The following LINGO2 variants were observed in gnomAD, a reference collection of about 807,000 sequenced individuals.
The protein encoded by LINGO2 is leucine-rich repeat and immunoglobulin-like domain-containing nogo receptor-interacting protein 2.
LINGO2 carries 14 observed loss-of-function variants against 30.6 expected under a neutral mutation model. That is an observed-to-expected ratio of 0.46 (90% CI 0.30 to 0.72). The LOEUF (loss-of-function observed/expected upper bound fraction) is 0.72. Ranked by LOEUF, LINGO2 falls within the 30% of genes least tolerant of loss-of-function variation. The pLI is 0.07. For missense variants in LINGO2, 729 were observed against 751.7 expected, an observed-to-expected ratio of 0.97 and a Z score of 0.35; for synonymous variants, 317 against 288.5, an observed-to-expected ratio of 1.10 and a Z score of -1.00.
chr9:28,055,727 A>ACT (rs1824903628), intron 4 of LINGO2, among the ~76,000 whole-genome samples: 1 of 152,198 alleles, frequency 6.6e-6, no homozygotes, highest in Admixed American at 6.6e-5. Context: ...TTTAAAAGAT[A>ACT]TGTACTCAAA....
intron 4 of LINGO2, among the ~76,000 whole-genome samples, chr9:28,214,711 G>GT (rs764594864): frequency 4.0e-5 from 6 of 151,648 alleles, no homozygotes; most frequent in South Asian, 2.1e-4. Context: ...CAGAAAAGCT[G>GT]TAAGGTATAA....
the LINGO2 span, among the ~76,000 whole-genome samples, chr9:28,938,385 A>G: frequency 1.3e-5 from 2 of 152,144 alleles, no homozygotes; most frequent in South Asian, 2.1e-4. Context: ...CTTTTTGCTT[A>G]ACACTTCTTT....
At chr9:28,131,617 C>CTGGTAAT (rs962654376) in intron 4 of LINGO2, among the ~76,000 whole-genome samples, 3 of 152,036 alleles carry the variant, frequency 2.0e-5, no homozygotes, top group African/African-American at 7.2e-5. Flanking sequence ...TAGAGTTTAG[C>CTGGTAAT]TGGTAATTTT....
At chr9:28,586,504 G>A (rs1824548723) in intron 1 of LINGO2, among the ~76,000 whole-genome samples, 1 of 151,958 alleles carries the variant, frequency 6.6e-6, no homozygotes, top group Non-Finnish European at 1.5e-5. Context: ...ATTGAATAAT[G>A]TTTAGAAATT....
At chr9:29,159,727 G>A in the LINGO2 span, among the ~76,000 whole-genome samples, 1 of 151,776 alleles carries the variant, frequency 6.6e-6, no homozygotes, top group Non-Finnish European at 1.5e-5. Flanking sequence ...GTATGGTGGT[G>A]GGCGCCAGTA....
At chr9:28,611,887 C>T (rs1825935316) in intron 1 of LINGO2, among the ~76,000 whole-genome samples, 1 of 151,870 alleles carries the variant, frequency 6.6e-6, no homozygotes, top group Non-Finnish European at 1.5e-5. Context: ...GTGGCGCGAT[C>T]TCAGCTCACT....
chr9:29,133,102 A>T, the LINGO2 span, among the ~76,000 whole-genome samples: 3 of 152,120 alleles, frequency 2.0e-5, no homozygotes, highest in Non-Finnish European at 4.4e-5. Flanking sequence ...CATCACTCCC[A>T]GTCTATCAAT....
chr9:29,130,473 C>T, the LINGO2 span, among the ~76,000 whole-genome samples: 1 of 152,052 alleles, frequency 6.6e-6, no homozygotes, highest in Non-Finnish European at 1.5e-5. Flanking sequence ...CTAAAACAGG[C>T]ATTAGCAAAG....
At chr9:28,969,622 C>T in the LINGO2 span, among the ~76,000 whole-genome samples, 1 of 152,032 alleles carries the variant, frequency 6.6e-6, no homozygotes, top group Non-Finnish European at 1.5e-5. Context: ...AATTCATTAC[C>T]CTGTTCCTGA....
At chr9:28,051,677 A>G (rs1160577567) in intron 4 of LINGO2, among the ~76,000 whole-genome samples, 1 of 152,066 alleles carries the variant, frequency 6.6e-6, no homozygotes, top group African/African-American at 2.4e-5. Context: ...GGATTAAGCT[A>G]GATTCCAACC....
intron 1 of LINGO2, among the ~76,000 whole-genome samples, chr9:28,665,163 C>T (rs1828750200): frequency 6.6e-6 from 1 of 151,344 alleles, no homozygotes; most frequent in African/African-American, 2.4e-5. Flanking sequence ...TTAATATTGA[C>T]AATAGCTGAC....
chr9:28,357,043 G>A (rs1027524607), intron 3 of LINGO2, among the ~76,000 whole-genome samples: 1 of 151,938 alleles, frequency 6.6e-6, no homozygotes, highest in African/African-American at 2.4e-5. Flanking sequence ...AAATGAATGT[G>A]GCAATAATGC....
intron 1 of LINGO2, among the ~76,000 whole-genome samples, chr9:28,521,519 G>C (rs1333644079): frequency 6.6e-6 from 1 of 152,166 alleles, no homozygotes; most frequent in African/African-American, 2.4e-5. Flanking sequence ...CAGCCAATTA[G>C]TCATGTTCTT....
chr9:28,716,927 C>A, the LINGO2 span, among the ~76,000 whole-genome samples: 878 of 151,958 alleles, frequency 5.8e-3, 19 homozygotes, highest in African/African-American at 0.02. Context: ...TTAAAATATA[C>A]GGTTTCTATC....
chr9:28,437,068 T>C (rs56980687), intron 2 of LINGO2, among the ~76,000 whole-genome samples: 4,645 of 152,260 alleles, frequency 0.031, 245 homozygotes, highest in African/African-American at 0.1. Context: ...AGATAACTGG[T>C]AAAGCATTAT....
chr9:28,416,328 C>T (rs1256532116), intron 2 of LINGO2, among the ~76,000 whole-genome samples: 2 of 152,046 alleles, frequency 1.3e-5, no homozygotes, highest in Non-Finnish European at 2.9e-5. Flanking sequence ...AACAGCATTC[C>T]TTAAAAAGAA....
At chr9:29,088,070 T>G in the LINGO2 span, among the ~76,000 whole-genome samples, 1 of 152,198 alleles carries the variant, frequency 6.6e-6, no homozygotes, top group Non-Finnish European at 1.5e-5. Flanking sequence ...GTAGGTGGCC[T>G]ATGTCAAATG....
chr9:28,198,928 T>C (rs2133809546), intron 4 of LINGO2, among the ~76,000 whole-genome samples: 1 of 152,288 alleles, frequency 6.6e-6, no homozygotes, highest in South Asian at 2.1e-4. Flanking sequence ...TTGTCTTCTG[T>C]TGAAAGATGT....
At chr9:28,555,471 C>T (rs917155951) in intron 1 of LINGO2, among the ~76,000 whole-genome samples, 4 of 151,680 alleles carry the variant, frequency 2.6e-5, no homozygotes, top group African/African-American at 9.7e-5. Flanking sequence ...TCTGAATAGA[C>T]CAATAACAGG....
Sources: gnomAD v4.1 joint callset for allele counts (sites outside exome capture counted in the v4.1 genomes callset) on GRCh38, gnomAD v4.1.1 for gene constraint, MANE v1.5 for transcripts, NCBI Gene and HGNC (gene_info 2026-07-23, HGNC 2026-07-21) for gene names.